HCRTR2: variants seen among roughly 807,000 people sequenced by gnomAD.
HCRTR2 encodes the protein orexin receptor type 2.
Under a neutral mutation model 49.0 loss-of-function variants are expected in HCRTR2, and 22 were observed. That is an observed-to-expected ratio of 0.45 (90% CI 0.32 to 0.64). The LOEUF (loss-of-function observed/expected upper bound fraction) is 0.64, where lower values mean the gene tolerates loss of function less well. Ranked by LOEUF, HCRTR2 falls within the 30% of genes least tolerant of loss-of-function variation. The pLI, the probability that HCRTR2 is intolerant of heterozygous loss-of-function variation, is 0.04. For synonymous variants in HCRTR2, 236 were observed against 205.3 expected, an observed-to-expected ratio of 1.15 and a Z score of -1.28; for missense variants, 491 against 559.4, an observed-to-expected ratio of 0.88 and a Z score of 1.23.
intron 3 of HCRTR2, among the ~76,000 whole-genome samples, chr6:55,260,349 C>A (rs1766731372): frequency 6.6e-6 from 1 of 152,172 alleles, no homozygotes; most frequent in Non-Finnish European, 1.5e-5. Context: ...CTGGGAAGTG[C>A]TGAGATCACT....
chr6:55,219,736 A>C (rs1765854609), intron 1 of HCRTR2, among the ~76,000 whole-genome samples: 1 of 151,830 alleles, frequency 6.6e-6, no homozygotes, highest in African/African-American at 2.4e-5. Context: ...AAAGTAGAAA[A>C]TTACTATAAT....
chr6:55,226,044 G>T (rs1030543447), intron 1 of HCRTR2, among the ~76,000 whole-genome samples: 1 of 152,198 alleles, frequency 6.6e-6, no homozygotes, highest in African/African-American at 2.4e-5. Context: ...AAACAAGGTG[G>T]TTTTAAGGTC....
At chr6:55,134,457 T>G (rs539109159) in intron 1 of HCRTR2, among the ~76,000 whole-genome samples, 1 of 150,918 alleles carries the variant, frequency 6.6e-6, no homozygotes, top group Non-Finnish European at 1.5e-5. Context: ...GTACCATTTG[T>G]GTGTGTGTGT....
At chr6:55,240,903 T>C (rs9357853) in intron 1 of HCRTR2, 50,725 of 210,682 alleles carry the variant, frequency 0.24, 6,466 homozygotes, top group Middle Eastern at 0.28. Flanking sequence ...TTTCACGTTC[T>C]CTTATTTATA....
intron 1 of HCRTR2, among the ~76,000 whole-genome samples, chr6:55,145,837 G>A (rs1278319994): frequency 6.6e-6 from 1 of 151,776 alleles, no homozygotes; most frequent in Admixed American, 6.6e-5. Flanking sequence ...TTTAAAAAAA[G>A]CTGGTATCCA....
intron 3 of HCRTR2, 22 bp from the exon 4 acceptor site, chr6:55,263,685 G>C: frequency 7.7e-7 from 1 of 1,305,306 alleles, no homozygotes; most frequent in Non-Finnish European, 1.1e-6. Flanking sequence ...GTAAGGTTTT[G>C]TTGTTTTGAC....
At chr6:55,259,558 T>G (rs954474936) in intron 3 of HCRTR2, among the ~76,000 whole-genome samples, 5 of 152,116 alleles carry the variant, frequency 3.3e-5, no homozygotes, top group African/African-American at 1.2e-4. Context: ...TTAAGTCATC[T>G]GAGAGAAATT....
At chr6:55,274,105 A>T (rs2127328803) in intron 4 of HCRTR2, among the ~76,000 whole-genome samples, 1 of 151,416 alleles carries the variant, frequency 6.6e-6, no homozygotes, top group South Asian at 2.1e-4. Flanking sequence ...AACGTGATTA[A>T]TTGCATTAAC....
Position 55,164,323 on chromosome 6 carries a change from A to G in HCRTR2, c.-377-9888A>G, listed in dbSNP as rs547554449. Among the ~76,000 whole-genome samples the G allele has an allele frequency of 1.9e-4, 29 of 152,352 alleles. No individual in the cohort carries two copies. The South Asian group carries it at 5.6e-3, about 29-fold the overall frequency. On this transcript the variant is annotated intron_variant, in intron 1 of 7. Coordinates refer to the HCRTR2 transcript ENST00000615358. ...CATTCTATGATAAACACACATGCAC[A>G]TGTATGTTTATTGTGGCACTATTAA...
chr6:55,145,636 C>G (rs1405386606), intron 1 of HCRTR2, among the ~76,000 whole-genome samples: 1 of 151,946 alleles, frequency 6.6e-6, no homozygotes, highest in Admixed American at 6.6e-5. Context: ...AGGATGGTCT[C>G]AATCTCCTGA....
In HCRTR2 at chr6:55,174,766, G is replaced by C. The variant is rs141403220; in HGVS notation, c.179G>C (p.Gly60Ala). ...PKEYEWVLIA[G>A]YIIVFVVALI... ...GAATATGAGTGGGTCCTGATCGCCG[G>C]GTACATCATCGTGTTCGTCGTGGCT... Residue 60 changes from glycine (G) to alanine (A), a missense_variant, in exon 1 of 7, where the codon GGG becomes GCG. Gly to Ala is a moderately conservative substitution (Grantham distance 60, BLOSUM62 0). Coordinates refer to ENST00000370862, the MANE Select transcript of HCRTR2 (RefSeq NM_001384272.1). The C allele has an allele frequency of 3.1e-5, 50 of 1,613,890 alleles. No homozygotes were observed. The African/African-American group carries it at 6.5e-4, about 21-fold the overall frequency.
At chr6:55,237,558 T>A (rs1766237087) in intron 1 of HCRTR2, among the ~76,000 whole-genome samples, 1 of 152,230 alleles carries the variant, frequency 6.6e-6, no homozygotes, top group South Asian at 2.1e-4. Flanking sequence ...GTTCTCTGTT[T>A]CTCTTCTCCT....
intron 1 of HCRTR2, among the ~76,000 whole-genome samples, chr6:55,117,423 G>GT (rs577423714): frequency 5.7e-4 from 87 of 151,408 alleles, no homozygotes; most frequent in African/African-American, 2.0e-3. Context: ...TTTTGTTTTT[G>GT]TTTTTTTACT....
intron 3 of HCRTR2, among the ~76,000 whole-genome samples, chr6:55,258,329 A>C (rs1398508075): frequency 1.3e-5 from 2 of 152,178 alleles, no homozygotes; most frequent in African/African-American, 4.8e-5. Flanking sequence ...CCAATGTGGC[A>C]GTGGAAAAAA....
intron 1 of HCRTR2, among the ~76,000 whole-genome samples, chr6:55,156,670 G>A (rs999061286): frequency 3.3e-5 from 5 of 151,468 alleles, no homozygotes; most frequent in South Asian, 2.1e-4. Flanking sequence ...ATAGCAAATC[G>A]AATCCAGCAG....
chr6:55,277,662 T>TTA, intron 5 of HCRTR2, 62 bp downstream of exon 5: 1 of 883,884 alleles, frequency 1.1e-6, no homozygotes, highest in South Asian at 1.8e-5. Flanking sequence ...TTAATTAACT[T>TTA]TTTTTTTTTT....
chr6:55,227,014 T>A (rs968537525), intron 1 of HCRTR2, among the ~76,000 whole-genome samples: 3 of 152,180 alleles, frequency 2.0e-5, no homozygotes, highest in African/African-American at 2.4e-5. Flanking sequence ...AGTTATAGAA[T>A]TTAAATTTTA....
intron 1 of HCRTR2, among the ~76,000 whole-genome samples, chr6:55,225,937 C>A (rs1765995445): frequency 6.6e-6 from 1 of 152,200 alleles, no homozygotes; most frequent in African/African-American, 2.4e-5. Context: ...TTTTCAAAAT[C>A]TTTTCATTTG....
At chr6:55,131,806 T>G (rs1730133518) in intron 1 of HCRTR2, among the ~76,000 whole-genome samples, 1 of 151,822 alleles carries the variant, frequency 6.6e-6, no homozygotes, top group Admixed American at 6.6e-5. Context: ...TCTTTAAGTA[T>G]TTGTCATGCC....
Sources: gnomAD v4.1 joint callset for allele counts (sites outside exome capture counted in the v4.1 genomes callset) on GRCh38, gnomAD v4.1.1 for gene constraint, MANE v1.5 for transcripts, NCBI Gene and HGNC (gene_info 2026-07-23, HGNC 2026-07-21) for gene names.